Variants in LCOR observed in about 807,000 individuals in gnomAD.
LCOR encodes the protein ligand-dependent corepressor.
LCOR carries 14 observed loss-of-function variants against 64.4 expected under a neutral mutation model. The ratio of observed to expected loss-of-function variants is 0.22; its 90% CI spans 0.14 to 0.34. LCOR has a LOEUF of 0.34. Ranked by LOEUF, LCOR falls within the 10% of genes least tolerant of loss-of-function variation. The pLI is 1.00. For synonymous variants in LCOR, 643 were observed against 642.5 expected, an observed-to-expected ratio of 1.00 and a Z score of -0.01; for missense variants, 1,686 against 1,765.3, an observed-to-expected ratio of 0.96 and a Z score of 0.80.
In LCOR at chr10:96,892,331, A is replaced by G. The variant is rs1204494513; in HGVS notation, c.-329-14934A>G. Among the ~76,000 whole-genome samples the G allele has an allele frequency of 2.6e-5, 4 of 152,192 alleles. No homozygotes were observed. The East Asian group carries it at 7.7e-4, about 29-fold the overall frequency. On this transcript the variant is annotated intron_variant, in intron 2 of 7. Coordinates refer to ENST00000421806, the MANE Select transcript of LCOR (RefSeq NM_001346516.2). ...GTTCTTGATTGACTCTTATCATTAT[A>G]TAATGTCCTTTGTCTTTTTAAGTAG...
Position 96,832,359 on chromosome 10 carries a change from A to C in LCOR, c.-444A>C, listed in dbSNP as rs1295008911. ...CCGTTGAGAGACGCGGCTTTCGGCA[A>C]GAACTGGATTCGTGGCGCCACAAGC... On this transcript the variant is annotated 5_prime_UTR_variant, in exon 1 of 8. Transcript: ENST00000421806. 2.0e-6 allele frequency: 2 copies of C among 984,946 alleles called. No individual in the cohort carries two copies. Among genetic ancestry groups the C allele is most frequent in the East Asian group, 2.3e-4 (2 of 8,738 alleles). 61.0% of individuals were successfully genotyped at this position (984,946 alleles called of 1,614,324 possible).
intron 2 of LCOR, among the ~76,000 whole-genome samples, chr10:96,836,793 AGTTCAT>A (rs1845449048): frequency 6.6e-6 from 1 of 152,234 alleles, no homozygotes; most frequent in Non-Finnish European, 1.5e-5. Flanking sequence ...TTTAAACTGC[AGTTCAT>A]GATTAGTGTA....
chr10:96,965,633 G>A (rs1047602896), intron 7 of LCOR, among the ~76,000 whole-genome samples: 22 of 134,428 alleles, frequency 1.6e-4, no homozygotes, highest in African/African-American at 4.7e-4. Flanking sequence ...CTGCACTCCA[G>A]CCTGGGCGAC....
intron 4 of LCOR, among the ~76,000 whole-genome samples, chr10:96,931,931 C>T (rs1734261788): frequency 6.6e-6 from 1 of 152,168 alleles, no homozygotes; most frequent in Non-Finnish European, 1.5e-5. Flanking sequence ...AAGGATATTA[C>T]TCTTTCTGAA....
chr10:96,993,263 G>T lies in LCOR; in HGVS notation c.*8129G>T, dbSNP rs1848216197. The T allele has an allele frequency of 6.6e-6, 1 of 152,176 alleles. No individual in the cohort carries two copies. Among genetic ancestry groups the T allele is most frequent in the African/African-American group, 2.4e-5 (1 of 41,436 alleles). The allele number at this position is 152,176 out of a possible 1,614,324, so 9.4% of individuals were successfully genotyped here. ...TTGTCATCCATTTGAACCATAATTT[G>T]CATATTTTCTTACGGCCTCCCTTTG... is the stretch of plus-strand genomic sequence containing the variant. On this transcript the variant is annotated 3_prime_UTR_variant, in exon 8 of 8. Transcript: ENST00000421806.
chr10:96,891,244 T>A (rs1846434191), intron 2 of LCOR, among the ~76,000 whole-genome samples: 1 of 152,044 alleles, frequency 6.6e-6, no homozygotes, highest in African/African-American at 2.4e-5. Context: ...GTTTTGGTAG[T>A]TTCTAGAGGT....
At chr10:96,892,862 A>G (rs1387164024) in intron 2 of LCOR, among the ~76,000 whole-genome samples, 1 of 152,142 alleles carries the variant, frequency 6.6e-6, no homozygotes, top group Non-Finnish European at 1.5e-5. Context: ...TTGTTGGATA[A>G]TGCTTTTTAA....
intron 4 of LCOR, among the ~76,000 whole-genome samples, chr10:96,932,684 G>T (rs1378290042): frequency 1.3e-5 from 2 of 151,970 alleles, no homozygotes; most frequent in Non-Finnish European, 2.9e-5. Context: ...GGATGGTCTC[G>T]ATCTCCTGAC....
At chr10:96,833,303 C>T (rs1176698432) in intron 1 of LCOR, 103 bp from the exon 2 acceptor site, 6 of 952,696 alleles carry the variant, frequency 6.3e-6, no homozygotes, top group East Asian at 2.3e-4. Flanking sequence ...GTGGCTTTTT[C>T]CCTGCGGGCC....
chr10:96,978,135 G>C (rs888036993), intron 7 of LCOR, among the ~76,000 whole-genome samples: 3 of 152,186 alleles, frequency 2.0e-5, no homozygotes, highest in Non-Finnish European at 4.4e-5. Flanking sequence ...AGGGGTCTGG[G>C]GTCCTTCAGC....
intron 2 of LCOR, among the ~76,000 whole-genome samples, chr10:96,897,386 C>T (rs955967562): frequency 2.0e-5 from 3 of 152,252 alleles, no homozygotes; most frequent in East Asian, 3.9e-4. Context: ...GGATTGTGAA[C>T]TGATGTAATT....
Position 96,981,634 on chromosome 10 carries a change from C to G in LCOR, c.1174C>G (p.Gln392Glu). ...AAATGAACAAGATGCAAGGCCAAAG[C>G]AAGAGAACCATCTTCACTCTCTGGG... ...EANEQDARPK[Q>E]ENHLHSLGRN... The change falls in exon 8 of 8, where the codon CAA (glutamine) becomes GAA (glutamate). Residue 392 changes from glutamine (Q) to glutamate (E), a missense_variant. Coordinates refer to ENST00000421806, the MANE Select transcript of LCOR (RefSeq NM_001346516.2). The G allele has an allele frequency of 6.2e-7, 1 of 1,614,186 alleles. No homozygotes were observed. The highest frequency in any genetic ancestry group is 8.5e-7 in the Non-Finnish European group (1 of 1,180,038).
chr10:96,888,235 GC>G (rs766566110), intron 2 of LCOR, among the ~76,000 whole-genome samples: 1 of 150,596 alleles, frequency 6.6e-6, no homozygotes, highest in Non-Finnish European at 1.5e-5. Context: ...CCTGGTGGTG[GC>G]CGCCTGTAAT....
intron 2 of LCOR, among the ~76,000 whole-genome samples, chr10:96,902,586 G>T (rs555703363): frequency 3.0e-4 from 46 of 152,270 alleles, no homozygotes; most frequent in African/African-American, 1.1e-3. Context: ...GAATATAAAA[G>T]ATTGTATAAT....
chr10:96,881,768 A>G (rs1846266880), intron 2 of LCOR, among the ~76,000 whole-genome samples: 1 of 152,090 alleles, frequency 6.6e-6, no homozygotes, highest in African/African-American at 2.4e-5. Context: ...AAGCAATGTT[A>G]TTTTAATTGA....
At chr10:96,965,465 A>G (rs1371390022) in intron 7 of LCOR, among the ~76,000 whole-genome samples, 3 of 150,652 alleles carry the variant, frequency 2.0e-5, no homozygotes, top group Non-Finnish European at 1.5e-5. Flanking sequence ...GATCAAGACC[A>G]TCCTGGCTAA....
intron 7 of LCOR, chr10:96,955,396 G>A (rs1408550951): frequency 2.5e-6 from 4 of 1,614,032 alleles, no homozygotes; most frequent in East Asian, 2.2e-5. Flanking sequence ...CCACAAGTTC[G>A]AGGAATGGAT....
At chr10:96,942,536 C>G (rs926242647) in intron 4 of LCOR, among the ~76,000 whole-genome samples, 2 of 152,154 alleles carry the variant, frequency 1.3e-5, no homozygotes, top group African/African-American at 4.8e-5. Flanking sequence ...CATTATATAG[C>G]AAACTTACTG....
intron 4 of LCOR, among the ~76,000 whole-genome samples, chr10:96,933,804 C>G (rs1847303818): frequency 6.6e-6 from 1 of 152,216 alleles, no homozygotes; most frequent in Non-Finnish European, 1.5e-5. Flanking sequence ...AGGCATGAGT[C>G]ACCGTGCCTG....
Sources: allele counts gnomAD v4.1 joint callset (sites outside exome capture counted in the v4.1 genomes callset), GRCh38; gene constraint gnomAD v4.1.1; transcripts MANE v1.5; gene names NCBI Gene and HGNC (gene_info 2026-07-23, HGNC 2026-07-21).